The following PRR16 variants were observed in gnomAD, a reference collection of about 807,000 sequenced individuals.
PRR16 encodes proline rich 16, also known as protein Largen.
PRR16 carries 6 observed loss-of-function variants against 18.2 expected under a neutral mutation model. The ratio of observed to expected loss-of-function variants is 0.33; its 90% confidence interval spans 0.18 to 0.65. The LOEUF is 0.65. Among genes scored for constraint, PRR16 ranks in the 30% least tolerant of loss-of-function variants. PRR16 has a pLI of 0.74. For synonymous variants in PRR16, 151 were observed against 147.8 expected (o/e 1.02, Z -0.16); for missense variants, 412 against 376.6 (o/e 1.09, Z -0.78).
the PRR16 span, among the ~76,000 whole-genome samples, chr5:120,724,684 G>A: frequency 1.3e-5 from 2 of 151,664 alleles, no homozygotes; most frequent in Admixed American, 1.3e-4. Flanking sequence ...ACTCCTTCAG[G>A]GGACCTTTCA....
At chr5:120,707,880 T>G in the PRR16 span, among the ~76,000 whole-genome samples, 1 of 152,302 alleles carries the variant, frequency 6.6e-6, no homozygotes, top group East Asian at 1.9e-4. Flanking sequence ...GAATGAGGCT[T>G]GTCAGCTGGG....
intron 1 of PRR16, among the ~76,000 whole-genome samples, chr5:120,478,344 G>A (rs1378814440): frequency 6.6e-6 from 1 of 152,004 alleles, no homozygotes; most frequent in South Asian, 2.1e-4. Context: ...ATTGGCTGGC[G>A]GGAGCTCTTG....
At chr5:120,672,128 G>A (rs997887898) in intron 1 of PRR16, among the ~76,000 whole-genome samples, 1 of 152,180 alleles carries the variant, frequency 6.6e-6, no homozygotes, top group African/African-American at 2.4e-5. Flanking sequence ...GGCACAAGGT[G>A]TGAAGCACAC....
chr5:120,686,716 C>A lies in PRR16; in HGVS notation c.*7C>A. On this transcript the variant is annotated 3_prime_UTR_variant, in exon 2 of 2. Coordinates refer to ENST00000407149, the MANE Select transcript of PRR16 (RefSeq NM_001300783.2). ...AACCACTACAACCGTGTGATGTATG[C>A]CATTAAAAAAATTGTTTTTTTAATT... 2.1e-6 allele frequency: 3 copies of A among 1,451,560 alleles called. No individual in the cohort carries two copies. Among genetic ancestry groups the A allele is most frequent in the South Asian group, 1.7e-5 (1 of 59,758 alleles). The allele number at this position is 1,451,560 out of a possible 1,614,324, so 89.9% of individuals were successfully genotyped here. A position where few individuals can be genotyped will look rare whatever the true frequency, so the allele number is the denominator to read the frequency against.
the PRR16 span, among the ~76,000 whole-genome samples, chr5:120,722,453 A>G: frequency 1.3e-5 from 2 of 152,006 alleles, no homozygotes; most frequent in South Asian, 2.1e-4. Context: ...TGTGGTTCAC[A>G]TTTATTGAAT....
chr5:120,489,816 C>T (rs946767870), intron 1 of PRR16, among the ~76,000 whole-genome samples: 1 of 152,086 alleles, frequency 6.6e-6, no homozygotes, highest in African/African-American at 2.4e-5. Context: ...ATGTTTAGTG[C>T]TTCTTCAGGA....
chr5:120,629,188 C>G (rs1435474543), intron 1 of PRR16, among the ~76,000 whole-genome samples: 1 of 152,012 alleles, frequency 6.6e-6, no homozygotes, highest in Non-Finnish European at 1.5e-5. Flanking sequence ...CCAGCTCCAT[C>G]CTTTGAGATT....
intron 1 of PRR16, among the ~76,000 whole-genome samples, chr5:120,633,936 T>C (rs1157197751): frequency 6.6e-6 from 1 of 151,980 alleles, no homozygotes; most frequent in Non-Finnish European, 1.5e-5. Flanking sequence ...CTACAACAAG[T>C]AGAACTAACA....
At chr5:120,683,244 A>T (rs1213122787) in intron 1 of PRR16, among the ~76,000 whole-genome samples, 1 of 152,156 alleles carries the variant, frequency 6.6e-6, no homozygotes, top group East Asian at 1.9e-4. Flanking sequence ...CAGTTACTAA[A>T]AGTGAAACTG....
chr5:120,754,186 AT>A, the PRR16 span, among the ~76,000 whole-genome samples: 91 of 103,836 alleles, frequency 8.8e-4, 1 homozygote, highest in Non-Finnish European at 1.4e-3. Flanking sequence ...TAAATATATA[AT>A]ATATAATTAT....
chr5:120,776,809 C>A, the PRR16 span, among the ~76,000 whole-genome samples: 40,989 of 151,574 alleles, frequency 0.27, 5,839 homozygotes, highest in Non-Finnish European at 0.31. Flanking sequence ...TTGTAAAATA[C>A]ATATGTATTA....
At chr5:120,506,801 G>A (rs1023885481) in intron 1 of PRR16, among the ~76,000 whole-genome samples, 8 of 152,046 alleles carry the variant, frequency 5.3e-5, no homozygotes, top group Non-Finnish European at 1.2e-4. Context: ...AAAAAAAAAG[G>A]CAGAGGAGGA....
intron 1 of PRR16, among the ~76,000 whole-genome samples, chr5:120,639,072 A>G (rs1395917613): frequency 6.6e-6 from 1 of 152,126 alleles, no homozygotes; most frequent in African/African-American, 2.4e-5. Context: ...TATAGAATCT[A>G]TGCTGTCTTC....
chr5:120,780,998 C>T, the PRR16 span, among the ~76,000 whole-genome samples: 2 of 152,070 alleles, frequency 1.3e-5, no homozygotes, highest in South Asian at 4.1e-4. Flanking sequence ...TGCAGTGAGC[C>T]GAGATCGCGC....
chr5:120,688,911 C>T (rs537846605), downstream of PRR16, among the ~76,000 whole-genome samples: 11 of 152,212 alleles, frequency 7.2e-5, no homozygotes, highest in African/African-American at 1.9e-4. Flanking sequence ...GTTCCAAATC[C>T]GTTTCTCTTT....
At chr5:120,501,422 T>TACAC (rs112671641) in intron 1 of PRR16, among the ~76,000 whole-genome samples, 7 of 151,748 alleles carry the variant, frequency 4.6e-5, no homozygotes, top group East Asian at 1.9e-4. Context: ...CACACACACA[T>TACAC]ACACACACAC....
the PRR16 span, among the ~76,000 whole-genome samples, chr5:120,743,290 T>A: frequency 1.2e-4 from 18 of 152,216 alleles, no homozygotes; most frequent in African/African-American, 4.3e-4. Context: ...GTGTTCCTTT[T>A]ATATCTTGGT....
Position 120,635,046 on chromosome 5 carries a change from AC to A in PRR16, c.160-50905del, listed in dbSNP as rs532036456. ...ATTAATGAATTCCTGAAAATATACA[AC>A]CCTCCTATATTAAACCAGGAAGTTA... is the stretch of plus-strand genomic sequence containing the variant. On this transcript the variant is annotated intron_variant, in intron 1 of 1. Coordinates refer to ENST00000407149, the MANE Select transcript of PRR16 (RefSeq NM_001300783.2). Among the ~76,000 whole-genome samples the A allele has an allele frequency of 2.3e-3, 343 of 152,250 alleles. 1 individual carries two copies. The highest frequency in any genetic ancestry group is 3.4e-3 in the Non-Finnish European group (230 of 68,016).
the PRR16 span, among the ~76,000 whole-genome samples, chr5:120,709,645 AC>A: frequency 5.9e-5 from 9 of 151,878 alleles, no homozygotes; most frequent in East Asian, 1.6e-3. Flanking sequence ...ACTCTTTATT[AC>A]CCTTCCCAGC....
Sources: allele counts gnomAD v4.1 joint callset (sites outside exome capture counted in the v4.1 genomes callset), GRCh38; gene constraint gnomAD v4.1.1; transcripts MANE v1.5; gene names NCBI Gene and HGNC (gene_info 2026-07-23, HGNC 2026-07-21).